HSPA12A: variants seen among roughly 807,000 people sequenced by gnomAD.
HSPA12A encodes heat shock 70 kDa protein 12A.
A neutral mutation model predicts 69.2 loss-of-function variants in HSPA12A; 28 were observed. The ratio of observed to expected loss-of-function variants is 0.40; its 90% CI spans 0.30 to 0.55. HSPA12A has a LOEUF of 0.55. Ranked by LOEUF, HSPA12A falls within the 20% of genes least tolerant of loss-of-function variation. The pLI is 0.38. For missense variants in HSPA12A, 686 were observed against 900.7 expected, an observed-to-expected ratio of 0.76 and a Z score of 3.05; for synonymous variants, 345 against 370.5, an observed-to-expected ratio of 0.93 and a Z score of 0.79.
chr10:116,849,482 C>T (rs901507241), intron 1 of HSPA12A: 9 of 1,417,760 alleles, frequency 6.3e-6, no homozygotes, highest in Non-Finnish European at 8.3e-6. Flanking sequence ...ATCTGGGGGT[C>T]GGGATCACGT....
chr10:116,740,543 C>CA (rs1473447755), intron 1 of HSPA12A, among the ~76,000 whole-genome samples: 1 of 152,040 alleles, frequency 6.6e-6, no homozygotes, highest in Non-Finnish European at 1.5e-5. Flanking sequence ...AGTGAAGAAA[C>CA]AAATACTCCA....
chr10:116,710,514 G>A lies in HSPA12A; in HGVS notation c.41-3229C>T, dbSNP rs1349918329. On this transcript the variant is annotated intron_variant, in intron 1 of 11. Transcript: ENST00000369209. The surrounding 1 kb of genome is among the most constrained non-coding windows in gnomAD (Gnocchi z 4.1). ...CTCTAGGATACTTTGAGGGCAAGAA[G>A]CAAGGATTTTTTGGTTCTGCTGTAC... is the stretch of plus-strand genomic sequence containing the variant. 2.0e-5 allele frequency among the ~76,000 whole-genome samples: 3 copies of A among 152,136 alleles called. No homozygotes were observed. The highest frequency in any genetic ancestry group is 7.2e-5 in the African/African-American group (3 of 41,418).
intron 2 of HSPA12A, chr10:116,833,507 A>G (rs1364452140): frequency 6.6e-6 from 1 of 152,256 alleles, no homozygotes; most frequent in East Asian, 1.9e-4. Context: ...TTCAAAGAAC[A>G]TGATAGAAAG....
intron 2 of HSPA12A, among the ~76,000 whole-genome samples, chr10:116,781,161 A>C (rs1439279183): frequency 8.5e-5 from 13 of 152,174 alleles, no homozygotes; most frequent in Admixed American, 8.5e-4. Context: ...TTAGCCTGGC[A>C]TGGTGGCACA....
At chr10:116,764,067 T>C (rs535608265) in intron 2 of HSPA12A, among the ~76,000 whole-genome samples, 7 of 152,244 alleles carry the variant, frequency 4.6e-5, no homozygotes, top group African/African-American at 1.7e-4. Context: ...GTGCCAGGGC[T>C]GAGTCTCATG....
chr10:116,745,536 G>A (rs1408346801), upstream of HSPA12A, among the ~76,000 whole-genome samples: 2 of 152,134 alleles, frequency 1.3e-5, no homozygotes, highest in Non-Finnish European at 2.9e-5. Context: ...TACACATCTC[G>A]GTTGGATACT....
intron 2 of HSPA12A, among the ~76,000 whole-genome samples, chr10:116,766,507 T>C (rs148927640): frequency 1.3e-5 from 2 of 152,166 alleles, no homozygotes; most frequent in African/African-American, 4.8e-5. Flanking sequence ...CTTCTGCCCA[T>C]CTGCATCTTC....
rs200364186 is a variant in HSPA12A, at chr10:116,692,409, G to A, written c.605C>T (p.Thr202Met). 1.7e-5 allele frequency: 28 copies of A among 1,614,008 alleles called. No individual in the cohort carries two copies. The highest frequency in any genetic ancestry group is 1.1e-4 in the East Asian group (5 of 44,874). The change falls in exon 6 of 12, where the codon ACG becomes ATG. Residue 202 changes from threonine (T) to methionine (M), a missense_variant. Transcript: ENST00000369209. ...FENSDVRWVI[T>M]VPAIWKQPAK... ...CGGCTGCTTCCAGATGGCAGGCACCGTGATGACCCATCTGACATCAGAGTT... is the reference window on the plus strand; with the variant it reads ...CGGCTGCTTCCAGATGGCAGGCACCATGATGACCCATCTGACATCAGAGTT...
At chr10:116,749,730 C>T (rs539006006) in intron 2 of HSPA12A, among the ~76,000 whole-genome samples, 1 of 152,306 alleles carries the variant, frequency 6.6e-6, no homozygotes, top group African/African-American at 2.4e-5. Context: ...TCACTATTCC[C>T]GAGTTTTTTA....
At position 116,675,534 on chromosome 10, in the gene HSPA12A, A is replaced by G. The variant is rs1849212853; in HGVS notation, c.1391-116T>C. 4.6e-6 allele frequency: 5 copies of G among 1,085,048 alleles called. No individual in the cohort carries two copies. Among genetic ancestry groups the G allele is most frequent in the South Asian group, 1.7e-5 (1 of 59,678 alleles). The allele number at this position is 1,085,048 out of a possible 1,614,324, so 67.2% of individuals were successfully genotyped here. A position where few individuals can be genotyped will look rare whatever the true frequency, so the allele number is the denominator to read the frequency against. ...AAGCCACTTGGGCCACTGGGAGGGC[A>G]GGCTTACTCTGAGCTCCTTGAACAG... is the stretch of plus-strand genomic sequence containing the variant. On this transcript the variant is annotated intron_variant, in intron 11 of 11. Coordinates refer to ENST00000369209, the MANE Select transcript of HSPA12A (RefSeq NM_025015.3). The surrounding 1 kb of genome is among the most constrained non-coding windows in gnomAD (Gnocchi z 5.2).
At chr10:116,693,141 C>G (rs1396954139) in intron 5 of HSPA12A, among the ~76,000 whole-genome samples, 1 of 152,164 alleles carries the variant, frequency 6.6e-6, no homozygotes, top group South Asian at 2.1e-4. Flanking sequence ...GTGATGCTTA[C>G]CAGCCGGTGG....
chr10:116,682,993 A>G (rs907657560), intron 7 of HSPA12A, among the ~76,000 whole-genome samples: 5 of 149,506 alleles, frequency 3.3e-5, no homozygotes, highest in Admixed American at 2.0e-4. Context: ...GTAAGCCACC[A>G]CGCCCGGCCC....
chr10:116,707,151 GCGCACACACACACACA>G (rs1278717539), intron 2 of HSPA12A, 33 bp downstream of exon 2: 462 of 1,018,730 alleles, frequency 4.5e-4, no homozygotes, highest in Non-Finnish European at 3.5e-4. Flanking sequence ...GCACCCATGC[GCGCACACACACACACA>G]CACACACACA....
At chr10:116,813,338 C>T (rs190174343) in intron 2 of HSPA12A, among the ~76,000 whole-genome samples, 123 of 150,558 alleles carry the variant, frequency 8.2e-4, no homozygotes, top group South Asian at 2.5e-3. Flanking sequence ...CTCCGCCTCC[C>T]GGGTTCATGC....
At chr10:116,820,362 G>A (rs1845388927) in intron 2 of HSPA12A, among the ~76,000 whole-genome samples, 1 of 152,172 alleles carries the variant, frequency 6.6e-6, no homozygotes, top group Non-Finnish European at 1.5e-5. Context: ...TTTGAGATCT[G>A]TGCAGGAGAC....
intron 2 of HSPA12A, among the ~76,000 whole-genome samples, chr10:116,795,220 T>C (rs906010329): frequency 1.3e-5 from 2 of 152,156 alleles, no homozygotes; most frequent in Non-Finnish European, 2.9e-5. Flanking sequence ...CAAGGCAATA[T>C]TTCTCCAAAC....
Position 116,683,921 on chromosome 10 carries a change from A to G in HSPA12A, c.705T>C (p.Ile235=), listed in dbSNP as rs2132915298. The G allele has an allele frequency of 6.3e-7, 1 of 1,589,026 alleles. No homozygotes were observed. Among genetic ancestry groups the G allele is most frequent in the Non-Finnish European group, 8.6e-7 (1 of 1,160,980 alleles). The change falls in exon 7 of 12, where the codon ATT becomes ATC. Residue 235 remains isoleucine, a synonymous_variant. Transcript: ENST00000369209. ...ASPENSEQLI[I]ALEPEAASIY... is the part of the protein sequence containing the mutation. ...TAGAGGCTGCCTCAGGCTCCAAGGC[A>G]ATGATGAGCTGCTCCGAGTTCTCGG...
At chr10:116,701,336 C>T (rs1029794305) in intron 3 of HSPA12A, among the ~76,000 whole-genome samples, 11 of 152,236 alleles carry the variant, frequency 7.2e-5, no homozygotes, top group African/African-American at 2.7e-4. Flanking sequence ...TGGTCAATAA[C>T]AAGCTCTGCC....
At chr10:116,809,112 T>C (rs947148924) in intron 2 of HSPA12A, among the ~76,000 whole-genome samples, 5 of 152,120 alleles carry the variant, frequency 3.3e-5, no homozygotes, top group African/African-American at 9.7e-5. Flanking sequence ...AGGGGGAGGA[T>C]GAGGCACATC....
Sources: gnomAD v4.1 joint callset for allele counts (sites outside exome capture counted in the v4.1 genomes callset) on GRCh38, gnomAD v4.1.1 for gene constraint, Gnocchi (gnomAD v3.1) non-coding constraint, MANE v1.5 for transcripts, NCBI Gene and HGNC (gene_info 2026-07-23, HGNC 2026-07-21) for gene names.